ZNF605: variants seen among roughly 807,000 people sequenced by gnomAD.
The protein encoded by ZNF605 is zinc finger protein 605.
A neutral mutation model predicts 7.9 loss-of-function variants in ZNF605; 9 were observed. The ratio of observed to expected loss-of-function variants is 1.14; its 90% CI spans 0.68 to 1.98. The LOEUF (loss-of-function observed/expected upper bound fraction) is 1.98. ZNF605 is among the 30% of genes most tolerant of loss of function. The pLI, the probability that ZNF605 is intolerant of heterozygous loss-of-function variation, is 0.00. For missense variants in ZNF605, 673 were observed against 762.4 expected (o/e 0.88, Z 1.38); for synonymous variants, 255 against 260.1 (o/e 0.98, Z 0.19).
At chr12:132,934,118 C>T (rs373474918) in intron 3 of ZNF605, among the ~76,000 whole-genome samples, 10 of 151,680 alleles carry the variant, frequency 6.6e-5, no homozygotes, top group Admixed American at 1.3e-4. Context: ...CACACATGCA[C>T]ACACACACAA....
At chr12:132,932,535 G>A (rs1593585143) in intron 4 of ZNF605, among the ~76,000 whole-genome samples, 6 of 152,186 alleles carry the variant, frequency 3.9e-5, no homozygotes. Flanking sequence ...ACATCCCGAT[G>A]TGGAGACCAG....
At position 132,933,451 on chromosome 12, in the gene ZNF605, A is replaced by G. The variant is rs1952326254; in HGVS notation, c.16-296T>C. Among the ~76,000 whole-genome samples the G allele has an allele frequency of 6.6e-6, 1 of 152,172 alleles. No individual in the cohort carries two copies. The highest frequency in any genetic ancestry group is 2.4e-5 in the African/African-American group (1 of 41,432). ...GGAGGAGTCTGGCTGCTGTGTTGTA[A>G]GGCCGCCATGTGGAAGCTCATGTGC... is the stretch of plus-strand genomic sequence containing the variant. On this transcript the variant is annotated intron_variant, in intron 3 of 4. Coordinates refer to ENST00000360187, the MANE Select transcript of ZNF605 (RefSeq NM_183238.4). This position sits in a 1 kb window ranked among gnomAD's most constrained non-coding sequence, Gnocchi z 4.4.
intron 3 of ZNF605, among the ~76,000 whole-genome samples, chr12:132,939,317 A>G (rs954672969): frequency 2.6e-4 from 40 of 152,268 alleles, no homozygotes; most frequent in Non-Finnish European, 4.4e-4. Context: ...GAGTGCACCA[A>G]TCAACACTCT....
chr12:132,939,639 C>G (rs1952411604), intron 3 of ZNF605, among the ~76,000 whole-genome samples: 1 of 152,190 alleles, frequency 6.6e-6, no homozygotes, highest in Non-Finnish European at 1.5e-5. Context: ...TCGGCTCTAC[C>G]AATCAGCAGG....
intron 3 of ZNF605, among the ~76,000 whole-genome samples, chr12:132,935,440 C>T (rs1425266402): frequency 6.6e-6 from 1 of 152,072 alleles, no homozygotes; most frequent in African/African-American, 2.4e-5. Flanking sequence ...AAACCTTAAG[C>T]ACAGAGAGTT....
At chr12:132,950,496 TAC>T (rs1478124175) in intron 1 of ZNF605, among the ~76,000 whole-genome samples, 2 of 149,074 alleles carry the variant, frequency 1.3e-5, no homozygotes, top group Non-Finnish European at 3.0e-5. Context: ...GACGCACACG[TAC>T]AGACATGCGC....
intron 3 of ZNF605, among the ~76,000 whole-genome samples, chr12:132,935,978 G>A (rs1405067303): frequency 3.3e-5 from 5 of 150,836 alleles, no homozygotes; most frequent in African/African-American, 9.8e-5. Flanking sequence ...GGAGAATGGC[G>A]TGAACCCAGG....
intron 3 of ZNF605, among the ~76,000 whole-genome samples, chr12:132,938,410 C>G (rs924659248): frequency 6.6e-6 from 1 of 152,160 alleles, no homozygotes; most frequent in Non-Finnish European, 1.5e-5. Flanking sequence ...TAGCGATTCT[C>G]CTGCCTCAGC....
chr12:132,951,190 G>GCA (rs1189516784), intron 1 of ZNF605, among the ~76,000 whole-genome samples: 1 of 147,856 alleles, frequency 6.8e-6, no homozygotes, highest in Non-Finnish European at 1.5e-5. Context: ...ACACAGACAT[G>GCA]CACACACACT....
rs1952248173 is a variant in ZNF605 at position 132,926,396 on chromosome 12, T to C, written c.903A>G (p.Arg301=). The C allele has an allele frequency of 1.9e-6, 3 of 1,614,082 alleles. No homozygotes were observed. In the Admixed American group the frequency reaches 5.0e-5, roughly 27 times the overall value. The change falls in exon 5 of 5, where the codon AGA becomes AGG. Residue 301 remains arginine (R), a synonymous_variant. Coordinates refer to ENST00000360187, the MANE Select transcript of ZNF605 (RefSeq NM_183238.4). The part of the protein sequence containing the change: ...SQKLKLITHQ[R]AHTGEKPYPC... ...GATAGGGTTTCTCTCCTGTGTGCGC[T>C]CTCTGATGTGTGATGAGTTTTAATT... is the stretch of plus-strand genomic sequence containing the variant.
intron 1 of ZNF605, chr12:132,948,509 G>C (rs1952519214): frequency 6.6e-6 from 1 of 152,268 alleles, no homozygotes. Flanking sequence ...TAACCGGCTA[G>C]CCAGGAAGAT....
intron 1 of ZNF605, among the ~76,000 whole-genome samples, chr12:132,955,794 C>A (rs1952630727): frequency 6.6e-6 from 1 of 152,042 alleles, no homozygotes; most frequent in Admixed American, 6.6e-5. Context: ...TCAGCAGAGT[C>A]CTAATCGCTG....
Position 132,948,185 on chromosome 12 carries a change from T to G in ZNF605, c.-200A>C, listed in dbSNP as rs1952513836. 6.6e-6 allele frequency: 1 copy of G among 152,112 alleles called. No individual in the cohort carries two copies. The highest frequency in any genetic ancestry group is 6.6e-5 in the Admixed American group (1 of 15,256). 9.4% of individuals were successfully genotyped at this position (152,112 alleles called of 1,614,324 possible). On this transcript the variant is annotated 5_prime_UTR_variant, in exon 2 of 5. Coordinates refer to ENST00000360187, the MANE Select transcript of ZNF605 (RefSeq NM_183238.4). ...TTCACTGCCCATGGACCAGGCCACT[T>G]AGATGAAGCCAGACACGGAATCAGA...
In ZNF605 at chr12:132,944,646, C is replaced by T. The variant is rs375236331; in HGVS notation, c.15+975G>A. Among the ~76,000 whole-genome samples the T allele has an allele frequency of 5.8e-4, 88 of 152,286 alleles. 1 individual carries two copies. The East Asian group carries it at 0.013, about 23-fold the overall frequency. On this transcript the variant is annotated intron_variant, in intron 3 of 4. Coordinates refer to ENST00000360187, the MANE Select transcript of ZNF605 (RefSeq NM_183238.4). ...GCAACCAAGACCCCATCTCAGTCCTCGAAGAAACTGTGTTCTGAATTCTTT... is the reference window on the plus strand; with the variant it reads ...GCAACCAAGACCCCATCTCAGTCCTTGAAGAAACTGTGTTCTGAATTCTTT...
At chr12:132,931,956 A>G (rs1952312526) in intron 4 of ZNF605, among the ~76,000 whole-genome samples, 1 of 152,176 alleles carries the variant, frequency 6.6e-6, no homozygotes, top group African/African-American at 2.4e-5. Flanking sequence ...TTTTGTTTTT[A>G]GAGACAGGGT....
intron 3 of ZNF605, chr12:132,944,814 T>C (rs1952481078): frequency 1.3e-5 from 2 of 153,286 alleles, no homozygotes; most frequent in African/African-American, 2.4e-5. Flanking sequence ...TTATGTGTAA[T>C]TATCGGAAGT....
At chr12:132,938,762 C>G (rs1168898379) in intron 3 of ZNF605, among the ~76,000 whole-genome samples, 5 of 152,070 alleles carry the variant, frequency 3.3e-5, no homozygotes, top group African/African-American at 1.2e-4. Flanking sequence ...GGGAGAGGCA[C>G]GAGCGGGAAC....
intron 4 of ZNF605, 83 bp from the exon 5 acceptor site, chr12:132,927,245 T>C: frequency 1.3e-5 from 12 of 958,888 alleles, no homozygotes; most frequent in Non-Finnish European, 1.6e-5. Context: ...AATGGCGCCA[T>C]AATCCCAGTT....
At position 132,919,549 on chromosome 12, in the gene ZNF605, G is replaced by T. The variant is rs535617928; in HGVS notation, c.*5824C>A. 6.6e-6 allele frequency: 1 copy of T among 150,994 alleles called. No individual in the cohort carries two copies. Among genetic ancestry groups the T allele is most frequent in the Non-Finnish European group, 1.5e-5 (1 of 67,748 alleles). 9.4% of individuals were successfully genotyped at this position (150,994 alleles called of 1,614,324 possible). A position where few individuals can be genotyped will look rare whatever the true frequency, so the allele number is the denominator to read the frequency against. On this transcript the variant is annotated 3_prime_UTR_variant, in exon 5 of 5. Coordinates refer to ENST00000360187, the MANE Select transcript of ZNF605 (RefSeq NM_183238.4). ...GGACTACAGGCGCCCGCCACCACGC[G>T]CGGCTAATTTTTTGTATTTTTAGTA... is the stretch of plus-strand genomic sequence containing the variant.
Sources: gnomAD v4.1 joint callset for allele counts (sites outside exome capture counted in the v4.1 genomes callset) on GRCh38, gnomAD v4.1.1 for gene constraint, Gnocchi (gnomAD v3.1) non-coding constraint, MANE v1.5 for transcripts, NCBI Gene and HGNC (gene_info 2026-07-23, HGNC 2026-07-21) for gene names.